Variants in GAS7 observed in about 807,000 individuals in gnomAD.
GAS7 encodes the protein growth arrest specific 7.
Under a neutral mutation model 71.1 loss-of-function variants are expected in GAS7, and 28 were observed. That is an observed-to-expected ratio of 0.39 (90% confidence interval 0.29 to 0.54). The LOEUF (loss-of-function observed/expected upper bound fraction) is 0.54. Ranked by LOEUF, GAS7 falls within the 20% of genes least tolerant of loss-of-function variation. The pLI is 0.62. For synonymous variants in GAS7, 258 were observed against 245.8 expected (o/e 1.05, Z -0.46); for missense variants, 436 against 627.8 (o/e 0.69, Z 3.27).
chr17:9,920,182 A>AGCGTGTGTGTGT (rs112208548), intron 11 of GAS7, among the ~76,000 whole-genome samples: 36 of 141,152 alleles, frequency 2.6e-4, no homozygotes, highest in African/African-American at 8.3e-4. Flanking sequence ...AGATCATGTA[A>AGCGTGTGTGTGT]GTGTGTGTGT....
chr17:9,932,194 CTT>C (rs34286699), intron 9 of GAS7, among the ~76,000 whole-genome samples: 19 of 116,114 alleles, frequency 1.6e-4, no homozygotes, highest in African/African-American at 3.2e-4. Context: ...GTCCCCCCCG[CTT>C]TTTTTTTTTT....
At chr17:10,121,268 C>T (rs919619864) in intron 1 of GAS7, among the ~76,000 whole-genome samples, 6 of 152,062 alleles carry the variant, frequency 3.9e-5, no homozygotes, top group Non-Finnish European at 8.8e-5. Context: ...GTAGTCCCAG[C>T]GACTTGGGAG....
At chr17:10,060,984 A>C (rs2073213915) in intron 1 of GAS7, among the ~76,000 whole-genome samples, 1 of 152,120 alleles carries the variant, frequency 6.6e-6, no homozygotes, top group Non-Finnish European at 1.5e-5. Context: ...TTCCAAAGAG[A>C]CACCTAGAAC....
At position 9,926,788 on chromosome 17, in the gene GAS7, C is replaced by G; in HGVS notation, c.886-19G>C. The G allele has an allele frequency of 6.2e-7, 1 of 1,613,872 alleles. No homozygotes were observed. The highest frequency in any genetic ancestry group is 8.5e-7 in the Non-Finnish European group (1 of 1,179,816). On this transcript the variant is annotated intron_variant, in intron 9 of 13. Coordinates refer to ENST00000432992, the MANE Select transcript of GAS7 (RefSeq NM_201433.2). The surrounding 1 kb of genome is among the most constrained non-coding windows in gnomAD (Gnocchi z 5.0). Reference sequence around the variant, plus strand: ...TGTGAAGCTGTTGGGAGAGTAGAGACGCACACTCAGGACCCAGGGCATCAG... The same window carrying G: ...TGTGAAGCTGTTGGGAGAGTAGAGAGGCACACTCAGGACCCAGGGCATCAG...
At position 9,981,877 on chromosome 17, in the gene GAS7, G is replaced by A; in HGVS notation, c.312C>T (p.Thr104=). 1 of 1,573,876 alleles carries A rather than the reference G, an allele frequency of 6.4e-7. No individual in the cohort carries two copies. Among genetic ancestry groups the A allele is most frequent in the Non-Finnish European group, 8.7e-7 (1 of 1,143,354 alleles). ...YYVNTTTNET[T]WERPSSSPGI... The stretch of plus-strand genomic sequence containing the variant: ...CAGGAGAACTGCTGGGACGTTCCCA[G>A]GTGGTCTCTGGTGAAAGAAGAGCAA... Residue 104 remains threonine, a synonymous_variant, in exon 3 of 14, where the codon ACC becomes ACT. Coordinates refer to ENST00000432992, the MANE Select transcript of GAS7 (RefSeq NM_201433.2). The surrounding 1 kb of genome is among the most constrained non-coding windows in gnomAD (Gnocchi z 4.4).
At chr17:9,921,765 C>T (rs1050206131) in intron 11 of GAS7, among the ~76,000 whole-genome samples, 1 of 152,002 alleles carries the variant, frequency 6.6e-6, no homozygotes, top group African/African-American at 2.4e-5. Flanking sequence ...CGAGACCATC[C>T]TGGCTAACAC....
intron 1 of GAS7, among the ~76,000 whole-genome samples, chr17:10,185,815 C>T (rs1240200616): frequency 6.6e-6 from 1 of 152,162 alleles, no homozygotes; most frequent in East Asian, 1.9e-4. Flanking sequence ...TGGGAAAACA[C>T]TCGCCACCCC....
Position 9,916,228 on chromosome 17 carries a change from T to A in GAS7, c.*1000A>T, listed in dbSNP as rs1432456487. 4.3e-6 allele frequency: 1 copy of A among 232,852 alleles called. No homozygotes were observed. The highest frequency in any genetic ancestry group is 2.2e-5 in the African/African-American group (1 of 45,306). The allele number at this position is 232,852 out of a possible 1,614,324, so 14.4% of individuals were successfully genotyped here. A position where few individuals can be genotyped will look rare whatever the true frequency, so the allele number is the denominator to read the frequency against. On this transcript the variant is annotated 3_prime_UTR_variant, in exon 14 of 14. Transcript: ENST00000432992. ...GACTTGCCCTAACCCATCTCACATG[T>A]AGGACTGACCCGGCCCCATTAAGAG...
At chr17:10,194,858 C>CAAAAA (rs5819269) in intron 1 of GAS7, among the ~76,000 whole-genome samples, 7 of 85,178 alleles carry the variant, frequency 8.2e-5, no homozygotes, top group Non-Finnish European at 1.3e-4. Context: ...GACTCTGTCT[C>CAAAAA]AAAAAAAAAA....
chr17:10,070,332 C>T (rs1333399036), intron 1 of GAS7, among the ~76,000 whole-genome samples: 1 of 145,524 alleles, frequency 6.9e-6, no homozygotes, highest in Non-Finnish European at 1.5e-5. Context: ...TCCCTTCGTT[C>T]TCTCTCTTCT....
intron 1 of GAS7, among the ~76,000 whole-genome samples, chr17:10,048,775 G>A (rs1011055831): frequency 6.6e-6 from 1 of 152,180 alleles, no homozygotes; most frequent in Non-Finnish European, 1.5e-5. Context: ...TCCAGGCACT[G>A]AGAGAGAAAA....
intron 1 of GAS7, among the ~76,000 whole-genome samples, chr17:10,187,467 C>A (rs1219805062): frequency 6.6e-6 from 1 of 152,208 alleles, no homozygotes; most frequent in Non-Finnish European, 1.5e-5. Context: ...GGTAGGACCT[C>A]TTTTTTAGCC....
At chr17:10,126,421 C>G (rs2073948921) in intron 1 of GAS7, among the ~76,000 whole-genome samples, 1 of 150,230 alleles carries the variant, frequency 6.7e-6, no homozygotes, top group African/African-American at 2.4e-5. Flanking sequence ...AACACGCACA[C>G]ACAAACACGC....
At position 10,035,060 on chromosome 17, in the gene GAS7, C is replaced by T. The variant is rs555644683; in HGVS notation, c.184-15163G>A. Among the ~76,000 whole-genome samples, 16 of 152,152 alleles carry T rather than the reference C, an allele frequency of 1.1e-4. No homozygotes were observed. The East Asian group carries it at 2.9e-3, about 28-fold the overall frequency. ...CCCACTTCAGCTTGGGGGCAGCCCACCAACAGCCTCTGCACCCCACACGCC... is the reference window on the plus strand; with the variant it reads ...CCCACTTCAGCTTGGGGGCAGCCCATCAACAGCCTCTGCACCCCACACGCC... On this transcript the variant is annotated intron_variant, in intron 1 of 13. Transcript: ENST00000432992.
intron 1 of GAS7, among the ~76,000 whole-genome samples, chr17:10,191,430 C>T (rs2142154877): frequency 6.6e-6 from 1 of 151,678 alleles, no homozygotes; most frequent in African/African-American, 2.4e-5. Context: ...ATTAGCCAGG[C>T]ATGGTGGCAG....
At chr17:10,015,153 CA>C (rs777458860) in intron 2 of GAS7, among the ~76,000 whole-genome samples, 3 of 115,896 alleles carry the variant, frequency 2.6e-5, no homozygotes, top group Non-Finnish European at 1.7e-5. Flanking sequence ...GACTCTGTCT[CA>C]AAAAAAAAAG....
intron 1 of GAS7, among the ~76,000 whole-genome samples, chr17:10,050,107 A>G (rs1347150424): frequency 6.6e-6 from 1 of 152,212 alleles, no homozygotes; most frequent in East Asian, 1.9e-4. Context: ...TAAAAATTCT[A>G]AGCTTATTTT....
chr17:10,005,436 G>A (rs1034465177), intron 2 of GAS7, among the ~76,000 whole-genome samples: 3 of 151,090 alleles, frequency 2.0e-5, no homozygotes, highest in Non-Finnish European at 2.9e-5. Context: ...TCTTTTCATC[G>A]GGCCCAAACT....
chr17:10,008,415 G>A (rs1449732242), intron 2 of GAS7, among the ~76,000 whole-genome samples: 5 of 152,172 alleles, frequency 3.3e-5, no homozygotes, highest in Non-Finnish European at 7.3e-5. Flanking sequence ...AAACAGTCTT[G>A]CAAAGTAACT....
Sources: gnomAD v4.1 joint callset for allele counts (sites outside exome capture counted in the v4.1 genomes callset) on GRCh38, gnomAD v4.1.1 for gene constraint, Gnocchi (gnomAD v3.1) non-coding constraint, MANE v1.5 for transcripts, NCBI Gene and HGNC (gene_info 2026-07-23, HGNC 2026-07-21) for gene names.